The following PPFIBP2 variants were observed in gnomAD, a reference collection of about 807,000 sequenced individuals.
PPFIBP2 encodes the protein liprin-beta-2.
Under a neutral mutation model 118.3 loss-of-function variants are expected in PPFIBP2, and 118 were observed. The ratio of observed to expected loss-of-function variants is 1.00; its 90% confidence interval spans 0.86 to 1.16. PPFIBP2 has a LOEUF of 1.16. PPFIBP2 is among the 50% of genes most tolerant of loss of function. The pLI is 0.00. For missense variants in PPFIBP2, 1,195 were observed against 1,073.1 expected (o/e 1.11, Z -1.59); for synonymous variants, 414 against 397.4 (o/e 1.04, Z -0.50).
intron 1 of PPFIBP2, among the ~76,000 whole-genome samples, chr11:7,516,394 T>G (rs1179261461): frequency 6.6e-6 from 1 of 151,994 alleles, no homozygotes; most frequent in Non-Finnish European, 1.5e-5. Context: ...CTAGACTGAT[T>G]AGATGCAATG....
intron 1 of PPFIBP2, among the ~76,000 whole-genome samples, chr11:7,520,331 AT>A (rs1221047958): frequency 2.0e-5 from 3 of 151,888 alleles, no homozygotes; most frequent in Non-Finnish European, 4.4e-5. Context: ...TGGGGTGGGT[AT>A]TTTCCGGCTG....
At chr11:7,651,964 T>C (rs938536067) in intron 23 of PPFIBP2, 120 bp downstream of exon 23, 2 of 1,011,628 alleles carry the variant, frequency 2.0e-6, no homozygotes, top group Admixed American at 5.1e-5. Context: ...AGAGGATCTT[T>C]CAGCTTCTGC....
At chr11:7,564,668 T>A (rs1180519601) in intron 2 of PPFIBP2, among the ~76,000 whole-genome samples, 1 of 152,202 alleles carries the variant, frequency 6.6e-6, no homozygotes, top group Non-Finnish European at 1.5e-5. Context: ...TTCCACTTGG[T>A]GTCAGTCGGG....
the PPFIBP2 span, chr11:7,665,894 T>A: frequency 6.5e-7 from 1 of 1,536,154 alleles, no homozygotes; most frequent in Non-Finnish European, 8.7e-7. Flanking sequence ...TTAGTGGAAC[T>A]GCGCAGAATT....
chr11:7,575,013 C>T (rs555939280), intron 3 of PPFIBP2, among the ~76,000 whole-genome samples: 1 of 152,188 alleles, frequency 6.6e-6, no homozygotes, highest in South Asian at 2.1e-4. Context: ...TACCCTGCAC[C>T]CCCCACCTTT....
At chr11:7,559,988 G>A (rs1564973098) in intron 2 of PPFIBP2, among the ~76,000 whole-genome samples, 1 of 152,122 alleles carries the variant, frequency 6.6e-6, no homozygotes, top group Non-Finnish European at 1.5e-5. Context: ...TGGGTAAGGG[G>A]GACTCCTGGC....
chr11:7,653,286 C>A lies in PPFIBP2; in HGVS notation c.*68C>A. ...TAACACTGTGTGTGTCACCATATAA[C>A]TGCACCTCACCCCCGCACGTGTGCA... On this transcript the variant is annotated 3_prime_UTR_variant, in exon 24 of 24. Coordinates refer to ENST00000299492, the MANE Select transcript of PPFIBP2 (RefSeq NM_003621.5). The A allele has an allele frequency of 6.3e-7, 1 of 1,599,638 alleles. No homozygotes were observed. Among genetic ancestry groups the A allele is most frequent in the East Asian group, 2.2e-5 (1 of 44,670 alleles).
chr11:7,664,928 A>G, the PPFIBP2 span, among the ~76,000 whole-genome samples: 1 of 151,762 alleles, frequency 6.6e-6, no homozygotes, highest in East Asian at 1.9e-4. Context: ...CATGACCCCT[A>G]GTGCCATGGA....
intron 17 of PPFIBP2, among the ~76,000 whole-genome samples, chr11:7,643,446 G>T (rs1852512280): frequency 2.0e-5 from 3 of 152,318 alleles, no homozygotes; most frequent in Admixed American, 1.3e-4. Flanking sequence ...AGGGTATGGG[G>T]TGACCAGGGT....
At chr11:7,649,810 A>G (rs563113501) in intron 21 of PPFIBP2, among the ~76,000 whole-genome samples, 156 bp downstream of exon 21, 2 of 152,304 alleles carry the variant, frequency 1.3e-5, no homozygotes, top group East Asian at 3.9e-4. Flanking sequence ...TGCCCCAAAC[A>G]TCCGTTACCT....
At chr11:7,523,297 T>C (rs1044129191) in intron 1 of PPFIBP2, among the ~76,000 whole-genome samples, 1 of 152,224 alleles carries the variant, frequency 6.6e-6, no homozygotes, top group Non-Finnish European at 1.5e-5. Context: ...TCATGGACGC[T>C]GACACAGTGG....
At chr11:7,660,620 T>C (rs1720077912), downstream of PPFIBP2, among the ~76,000 whole-genome samples, 1 of 151,132 alleles carries the variant, frequency 6.6e-6, no homozygotes. Context: ...TTTTTTGTTG[T>C]GTCTCTGCCA....
At chr11:7,546,867 C>A (rs914225190) in intron 1 of PPFIBP2, among the ~76,000 whole-genome samples, 1 of 152,204 alleles carries the variant, frequency 6.6e-6, no homozygotes, top group African/African-American at 2.4e-5. Flanking sequence ...ACATACCTTG[C>A]ACTGTGTCAT....
chr11:7,658,240 C>A (rs1005285869), downstream of PPFIBP2, among the ~76,000 whole-genome samples: 1 of 149,372 alleles, frequency 6.7e-6, no homozygotes, highest in Admixed American at 6.6e-5. Context: ...TGGTGCACTG[C>A]ACCCACTAAC....
chr11:7,575,602 C>A (rs1856211934), intron 3 of PPFIBP2, among the ~76,000 whole-genome samples: 1 of 152,212 alleles, frequency 6.6e-6, no homozygotes, highest in Non-Finnish European at 1.5e-5. Flanking sequence ...TCCTTGGAGT[C>A]CCAGATATAC....
chr11:7,629,079 A>G (rs1850409100), intron 9 of PPFIBP2, among the ~76,000 whole-genome samples: 1 of 152,228 alleles, frequency 6.6e-6, no homozygotes, highest in East Asian at 1.9e-4. Flanking sequence ...AAATGAGTAT[A>G]TTGAGATAAA....
chr11:7,664,940 A>G, the PPFIBP2 span, among the ~76,000 whole-genome samples: 1 of 151,960 alleles, frequency 6.6e-6, no homozygotes, highest in Non-Finnish European at 1.5e-5. Flanking sequence ...TGCCATGGAG[A>G]GATTCTTGAG....
At chr11:7,602,341 C>T (rs1367811116) in intron 5 of PPFIBP2, among the ~76,000 whole-genome samples, 2 of 152,168 alleles carry the variant, frequency 1.3e-5, no homozygotes, top group Non-Finnish European at 2.9e-5. Context: ...TTGTGACTGC[C>T]TCAAACTATG....
In PPFIBP2 at chr11:7,653,400, T is replaced by C. The variant is rs548203182; in HGVS notation, c.*182T>C. 1.3e-6 allele frequency: 2 copies of C among 1,488,530 alleles called. No homozygotes were observed. The highest frequency in any genetic ancestry group is 2.8e-5 in the African/African-American group (2 of 72,100). 92.2% of individuals were successfully genotyped at this position (1,488,530 alleles called of 1,614,324 possible). On this transcript the variant is annotated 3_prime_UTR_variant, in exon 24 of 24. Transcript: ENST00000299492. ...TGGCCAGGATCTGGAGCTGCATCTC[T>C]AAGGGGCCAGGCTTTGGGGACCATT... is the stretch of plus-strand genomic sequence containing the variant.
Sources: allele counts gnomAD v4.1 joint callset (sites outside exome capture counted in the v4.1 genomes callset), GRCh38; gene constraint gnomAD v4.1.1; transcripts MANE v1.5; gene names NCBI Gene and HGNC (gene_info 2026-07-23, HGNC 2026-07-21).